DISP3: variants seen among roughly 807,000 people sequenced by gnomAD.
The protein encoded by DISP3 is dispatched RND transporter family member 3.
A neutral mutation model predicts 135.3 loss-of-function variants in DISP3; 101 were observed. The observed-to-expected ratio is 0.75, with a 90% CI of 0.64 to 0.88. The LOEUF is 0.88. DISP3 is among the 40% of genes least tolerant of loss of function. The pLI, the probability that DISP3 is intolerant of heterozygous loss-of-function variation, is 0.00. For missense variants in DISP3, 1,713 were observed against 1,878.6 expected (o/e 0.91, Z 1.63); for synonymous variants, 856 against 817.0 (o/e 1.05, Z -0.81).
chr1:11,533,743 A>ACGCACG (rs1305351752), intron 17 of DISP3: 11 of 716,924 alleles, frequency 1.5e-5, no homozygotes, highest in South Asian at 1.3e-4. Flanking sequence ...GCATGCACAC[A>ACGCACG]CACACGCAGA....
intron 13 of DISP3, among the ~76,000 whole-genome samples, chr1:11,528,684 A>T (rs1160425910): frequency 6.6e-6 from 1 of 152,198 alleles, no homozygotes; most frequent in Non-Finnish European, 1.5e-5. Flanking sequence ...GAACTCGGTG[A>T]TACGCGGGGA....
chr1:11,517,704 A>C, intron 7 of DISP3, 102 bp downstream of exon 7: 1 of 1,422,142 alleles, frequency 7.0e-7, no homozygotes, highest in Admixed American at 2.0e-5. Context: ...CTGTATGACC[A>C]GTCCTTTGCT....
At chr1:11,497,613 C>T (rs1029518177) in intron 1 of DISP3, among the ~76,000 whole-genome samples, 3 of 152,198 alleles carry the variant, frequency 2.0e-5, no homozygotes, top group Admixed American at 1.3e-4. Flanking sequence ...CGGTCTCGAT[C>T]TCCTGACCTC....
chr1:11,534,092 G>A (rs1642643576), intron 17 of DISP3, among the ~76,000 whole-genome samples: 1 of 152,222 alleles, frequency 6.6e-6, no homozygotes, highest in South Asian at 2.1e-4. Context: ...TGAGCAGGCA[G>A]AGGGAACAGC....
At chr1:11,502,221 G>A (rs1641563270) in intron 2 of DISP3, 133 bp downstream of exon 2, 24 of 1,356,538 alleles carry the variant, frequency 1.8e-5, no homozygotes, top group Non-Finnish European at 2.2e-5. Flanking sequence ...GGCATGGCCG[G>A]AGGGCAAGGT....
rs1641534177 is a variant in DISP3, at chr1:11,501,747, G to T, written c.755G>T (p.Gly252Val). ...GCCAATCAGAGCCGTGCCCGCCGAG[G>T]CGCCTCGCGCTGGGACTACTCGCGC... ...VAANQSRARR[G>V]ASRWDYSRAY... The change falls in exon 2 of 21, where the codon GGC becomes GTC. Residue 252 changes from glycine to valine, a missense_variant. This residue lies in a region of DISP3 where 571 missense variants were observed against 494.1 expected (regional missense o/e 1.16). Transcript: ENST00000294484. This position sits in a 1 kb window ranked among gnomAD's most constrained non-coding sequence, Gnocchi z 4.9. 4 of 1,591,628 alleles carry T rather than the reference G, an allele frequency of 2.5e-6. No individual in the cohort carries two copies. Among genetic ancestry groups the T allele is most frequent in the Middle Eastern group, 1.7e-4 (1 of 5,994 alleles).
intron 18 of DISP3, 111 bp downstream of exon 18, chr1:11,534,651 T>C (rs1005542662): frequency 2.1e-6 from 3 of 1,398,470 alleles, no homozygotes; most frequent in African/African-American, 1.4e-5. Context: ...CCAAGAGCCC[T>C]GAGGAAACCG....
At position 11,517,580 on chromosome 1, in the gene DISP3, C is replaced by T. The variant is rs769184056; in HGVS notation, c.1867C>T (p.Leu623=). The T allele has an allele frequency of 2.5e-6, 4 of 1,614,018 alleles. No individual in the cohort carries two copies. Among genetic ancestry groups the T allele is most frequent in the Admixed American group, 1.7e-5 (1 of 60,028 alleles). The part of the protein sequence containing the change: ...LGLWSLYLAP[L]ESSCQTSCHQ... ...CCTCTGGAGCCTCTACCTGGCACCACTGGAGAGCTCCTGCCAGACCAGGTA... is the reference window on the plus strand; with the variant it reads ...CCTCTGGAGCCTCTACCTGGCACCATTGGAGAGCTCCTGCCAGACCAGGTA... The change falls in exon 7 of 21, where the codon CTG becomes TTG. Residue 623 remains leucine, a synonymous_variant. Coordinates refer to ENST00000294484, the MANE Select transcript of DISP3 (RefSeq NM_020780.2).
chr1:11,484,357 T>G (rs1640979772), intron 1 of DISP3, among the ~76,000 whole-genome samples: 1 of 152,154 alleles, frequency 6.6e-6, no homozygotes, highest in Non-Finnish European at 1.5e-5. Context: ...GGTGAAGGTT[T>G]GGAACTAATG....
At chr1:11,490,905 C>T (rs1273336153) in intron 1 of DISP3, among the ~76,000 whole-genome samples, 4 of 152,220 alleles carry the variant, frequency 2.6e-5, no homozygotes. Context: ...GGATGGTAAA[C>T]TCCCCACCTA....
At chr1:11,485,682 A>G (rs1641019322) in intron 1 of DISP3, among the ~76,000 whole-genome samples, 2 of 152,220 alleles carry the variant, frequency 1.3e-5, no homozygotes, top group African/African-American at 4.8e-5. Flanking sequence ...GATAATGATC[A>G]TGATAATAAC....
intron 1 of DISP3, among the ~76,000 whole-genome samples, chr1:11,495,382 C>A (rs1300705553): frequency 6.6e-6 from 1 of 152,130 alleles, no homozygotes; most frequent in African/African-American, 2.4e-5. Context: ...CAGAGCGAGA[C>A]TCTGTCTCAA....
chr1:11,498,837 T>G (rs556302723), intron 1 of DISP3, among the ~76,000 whole-genome samples: 2 of 152,300 alleles, frequency 1.3e-5, no homozygotes, highest in African/African-American at 4.8e-5. Context: ...GTTCTGCAGA[T>G]GGGGAGACTG....
Position 11,536,200 on chromosome 1 carries a change from T to G in DISP3, c.3817-124T>G. The stretch of plus-strand genomic sequence containing the variant: ...TACCCTCCCAACCCTGGGAGGCCAC[T>G]TGCAGCTCTCATCCCAGTAACAGAG... On this transcript the variant is annotated intron_variant, in intron 20 of 20. Transcript: ENST00000294484. This position sits in a 1 kb window ranked among gnomAD's most constrained non-coding sequence, Gnocchi z 4.3. 2 of 1,393,524 alleles carry G rather than the reference T, an allele frequency of 1.4e-6. No homozygotes were observed. The highest frequency in any genetic ancestry group is 3.0e-5 in the South Asian group (2 of 67,208). The allele number at this position is 1,393,524 out of a possible 1,614,324, so 86.3% of individuals were successfully genotyped here.
intron 10 of DISP3, among the ~76,000 whole-genome samples, chr1:11,522,292 G>A (rs918447678): frequency 4.6e-5 from 7 of 152,094 alleles, no homozygotes; most frequent in African/African-American, 1.7e-4. Flanking sequence ...AATTAGGGCG[G>A]TGCTGAGATC....
In DISP3 at chr1:11,514,508, A is replaced by T. The variant is rs1272345058; in HGVS notation, c.1435A>T (p.Ile479Phe). 6.2e-7 allele frequency: 1 copy of T among 1,613,996 alleles called. No homozygotes were observed. Among genetic ancestry groups the T allele is most frequent in the Admixed American group, 1.7e-5 (1 of 60,024 alleles). The stretch of plus-strand genomic sequence containing the variant: ...CAGCTGCATTGCTGCCCTGGTCTAC[A>T]TCCTCACCTCCTGCTCAGGTAGGGC... The part of the protein sequence containing the change: ...SSSCIAALVY[I>F]LTSCSVFLSF... Residue 479 changes from isoleucine to phenylalanine, a missense_variant, in exon 4 of 21, where the codon ATC becomes TTC. Transcript: ENST00000294484.
intron 1 of DISP3, among the ~76,000 whole-genome samples, chr1:11,480,109 C>A (rs1640854280): frequency 6.6e-6 from 1 of 152,186 alleles, no homozygotes; most frequent in African/African-American, 2.4e-5. Flanking sequence ...CTTTTCCCAA[C>A]TCCCTGGGGA....
At chr1:11,489,180 C>T (rs937497387) in intron 1 of DISP3, among the ~76,000 whole-genome samples, 3 of 152,258 alleles carry the variant, frequency 2.0e-5, no homozygotes, top group African/African-American at 7.2e-5. Context: ...GCTGCGGGTA[C>T]AGCCCTCTCC....
At chr1:11,527,313 G>A (rs1270317771) in intron 13 of DISP3, among the ~76,000 whole-genome samples, 1 of 152,098 alleles carries the variant, frequency 6.6e-6, no homozygotes, top group Non-Finnish European at 1.5e-5. Context: ...ACCTCGGGAG[G>A]CCGAGGTGGG....
Sources: allele counts gnomAD v4.1 joint callset (sites outside exome capture counted in the v4.1 genomes callset), GRCh38; gene constraint gnomAD v4.1.1; regional missense constraint gnomAD v4.1.1; non-coding constraint Gnocchi (gnomAD v3.1); transcripts MANE v1.5; gene names NCBI Gene and HGNC (gene_info 2026-07-23, HGNC 2026-07-21).